The following CEMIP variants were observed in gnomAD, a reference collection of about 807,000 sequenced individuals.
CEMIP encodes cell migration inducing hyaluronidase 1.
CEMIP carries 105 observed loss-of-function variants against 156.9 expected under a neutral mutation model. The observed-to-expected ratio is 0.67, with a 90% confidence interval of 0.57 to 0.79. CEMIP has a LOEUF of 0.79. Ranked by LOEUF, CEMIP falls within the 30% of genes least tolerant of loss-of-function variation. The probability of loss-of-function intolerance (pLI) is 0.00; values close to 1 mark genes in which losing one functional copy is unlikely to be tolerated. For synonymous variants in CEMIP, 676 were observed against 668.4 expected (o/e 1.01, Z -0.17); for missense variants, 1,457 against 1,769.4 (o/e 0.82, Z 3.17).
intron 1 of CEMIP, among the ~76,000 whole-genome samples, chr15:80,837,428 T>A (rs1468482562): frequency 2.0e-5 from 3 of 152,200 alleles, no homozygotes; most frequent in Non-Finnish European, 4.4e-5. Flanking sequence ...CACCATTCTT[T>A]ATGGCAACCT....
intron 12 of CEMIP, among the ~76,000 whole-genome samples, chr15:80,900,658 G>GTC (rs1567091034): frequency 5.7e-5 from 8 of 139,666 alleles, no homozygotes; most frequent in African/African-American, 2.2e-4. Flanking sequence ...GTCTGTGTGT[G>GTC]TGTCTGTGTG....
At chr15:80,823,959 C>G (rs1463707690) in intron 1 of CEMIP, among the ~76,000 whole-genome samples, 1 of 152,140 alleles carries the variant, frequency 6.6e-6, no homozygotes, top group Admixed American at 6.5e-5. Context: ...GATTTAACCC[C>G]CAATGTGCAG....
At chr15:80,856,544 G>A (rs1356300289) in intron 1 of CEMIP, among the ~76,000 whole-genome samples, 1 of 152,182 alleles carries the variant, frequency 6.6e-6, no homozygotes. Flanking sequence ...GGGTTGGAGG[G>A]GAAAGCGATT....
At chr15:80,909,413 C>CTAAGGATGGTT in intron 14 of CEMIP, 107 bp downstream of exon 14, 1 of 1,125,932 alleles carries the variant, frequency 8.9e-7, no homozygotes. Context: ...GGGGATTGAA[C>CTAAGGATGGTT]CATCCTTAGT....
At chr15:80,828,538 G>A (rs926603464) in intron 1 of CEMIP, among the ~76,000 whole-genome samples, 8 of 152,200 alleles carry the variant, frequency 5.3e-5, no homozygotes, top group African/African-American at 1.9e-4. Context: ...TTGAATACTA[G>A]AAGGGTTGTT....
At chr15:80,889,353 A>C in intron 9 of CEMIP, 118 bp from the exon 10 acceptor site, 1 of 1,428,612 alleles carries the variant, frequency 7.0e-7, no homozygotes, top group Non-Finnish European at 9.8e-7. Flanking sequence ...GCCTGGTGCA[A>C]CCATGGACAG....
At chr15:80,819,433 A>T (rs1896861403) in intron 1 of CEMIP, among the ~76,000 whole-genome samples, 1 of 152,176 alleles carries the variant, frequency 6.6e-6, no homozygotes, top group South Asian at 2.1e-4. Context: ...GTTTGCTTTA[A>T]TCAGGATGCC....
chr15:80,849,666 CACCAGAG>C (rs1897665079), intron 1 of CEMIP, among the ~76,000 whole-genome samples: 8 of 148,582 alleles, frequency 5.4e-5, no homozygotes, highest in Admixed American at 4.8e-4. Context: ...GCAGAATGAC[CACCAGAG>C]AGAGAGAGAG....
chr15:80,939,437 C>T (rs1901257378), intron 25 of CEMIP, among the ~76,000 whole-genome samples: 1 of 152,198 alleles, frequency 6.6e-6, no homozygotes, highest in African/African-American at 2.4e-5. Context: ...CCCCACATAC[C>T]ACTAGGAAAT....
intron 1 of CEMIP, among the ~76,000 whole-genome samples, chr15:80,801,703 C>T (rs1896381426): frequency 6.6e-6 from 1 of 152,208 alleles, no homozygotes; most frequent in African/African-American, 2.4e-5. Context: ...CAATCCACCA[C>T]ACCCACCTTT....
chr15:80,911,231 G>A (rs949635054), intron 14 of CEMIP, among the ~76,000 whole-genome samples: 12 of 152,230 alleles, frequency 7.9e-5, no homozygotes, highest in Non-Finnish European at 1.5e-4. Flanking sequence ...CATGCGATTT[G>A]CAGAACCAGT....
At chr15:80,921,711 A>G (rs1005634203) in intron 16 of CEMIP, among the ~76,000 whole-genome samples, 5 of 152,204 alleles carry the variant, frequency 3.3e-5, no homozygotes, top group Admixed American at 6.5e-5. Context: ...AAATCCCCCC[A>G]TTGTGTGTCA....
intron 1 of CEMIP, among the ~76,000 whole-genome samples, chr15:80,824,779 A>T (rs1021837260): frequency 1.3e-5 from 2 of 152,164 alleles, no homozygotes; most frequent in African/African-American, 4.8e-5. Context: ...CTTGTCTTTG[A>T]TTCTTCCCAC....
At chr15:80,898,123 C>T (rs866502452) in intron 12 of CEMIP, among the ~76,000 whole-genome samples, 1 of 152,140 alleles carries the variant, frequency 6.6e-6, no homozygotes, top group African/African-American at 2.4e-5. Context: ...TCTATGAAGA[C>T]GTTTTGAAGA....
At chr15:80,837,670 C>T (rs933733740) in intron 1 of CEMIP, among the ~76,000 whole-genome samples, 8 of 152,356 alleles carry the variant, frequency 5.3e-5, no homozygotes, top group African/African-American at 1.9e-4. Flanking sequence ...TGCCTTCCTT[C>T]AAGAGGAAGT....
intron 14 of CEMIP, among the ~76,000 whole-genome samples, chr15:80,910,750 C>T (rs962233118): frequency 3.3e-5 from 5 of 152,152 alleles, no homozygotes. Context: ...AGAAACAACA[C>T]CAAACACATA....
At chr15:80,904,012 C>T (rs888858534) in intron 12 of CEMIP, among the ~76,000 whole-genome samples, 1 of 152,180 alleles carries the variant, frequency 6.6e-6, no homozygotes, top group Admixed American at 6.5e-5. Flanking sequence ...GGGGCTCCAG[C>T]ATTCTGCAGA....
chr15:80,894,732 G>T (rs911136232), intron 10 of CEMIP, among the ~76,000 whole-genome samples: 6 of 152,192 alleles, frequency 3.9e-5, no homozygotes, highest in Non-Finnish European at 7.4e-5. Flanking sequence ...CCAGCCATAA[G>T]CAGTAGATCA....
At chr15:80,792,330 G>C (rs572243483) in intron 1 of CEMIP, among the ~76,000 whole-genome samples, 6 of 152,284 alleles carry the variant, frequency 3.9e-5, no homozygotes, top group African/African-American at 1.4e-4. Context: ...TTTGCATGCT[G>C]TCTACTTTAT....
Sources: gnomAD v4.1 joint callset for allele counts (sites outside exome capture counted in the v4.1 genomes callset) on GRCh38, gnomAD v4.1.1 for gene constraint, MANE v1.5 for transcripts, NCBI Gene and HGNC (gene_info 2026-07-23, HGNC 2026-07-21) for gene names.